MMP2: variants seen among roughly 807,000 people sequenced by gnomAD.
The protein encoded by MMP2 is matrix metallopeptidase 2.
A neutral mutation model predicts 74.8 loss-of-function variants in MMP2; 39 were observed. The observed-to-expected ratio is 0.52, with a 90% CI of 0.40 to 0.68. The LOEUF (loss-of-function observed/expected upper bound fraction) is 0.68, where lower values mean the gene tolerates loss of function less well. Ranked by LOEUF, MMP2 falls within the 30% of genes least tolerant of loss-of-function variation. The probability of loss-of-function intolerance (pLI) is 0.00; values close to 1 mark genes in which losing one functional copy is unlikely to be tolerated. For synonymous variants in MMP2, 367 were observed against 339.8 expected (o/e 1.08, Z -0.88); for missense variants, 803 against 878.3 (o/e 0.91, Z 1.08).
At position 55,479,550 on chromosome 16, in the gene MMP2, T is replaced by G; in HGVS notation, c.71T>G (p.Leu24Arg). 6.2e-7 allele frequency: 1 copy of G among 1,612,490 alleles called. No individual in the cohort carries two copies. Among genetic ancestry groups the G allele is most frequent in the Non-Finnish European group, 8.5e-7 (1 of 1,179,724 alleles). The change falls in exon 1 of 13, where the codon CTG becomes CGG. Residue 24 changes from leucine (L) to arginine (R), a missense_variant. By Grantham distance (102) the Leu-to-Arg change is moderately radical. Coordinates refer to ENST00000219070, the MANE Select transcript of MMP2 (RefSeq NM_004530.6). ...LRALCLLGCL[L>R]SHAAAAPSPI... ...GCGCTCTGTCTCCTGGGCTGCCTGC[T>G]GAGCCACGCCGCCGCCGCGCCGTCG...
At chr16:55,481,618 C>T (rs886775271) in intron 1 of MMP2, 2 of 479,678 alleles carry the variant, frequency 4.2e-6, no homozygotes, top group South Asian at 4.1e-5. Flanking sequence ...TTACCCAGCC[C>T]CCCACTCAAG....
intron 1 of MMP2, among the ~76,000 whole-genome samples, 186 bp from the exon 2 acceptor site, chr16:55,482,723 G>A (rs1438721553): frequency 1.3e-5 from 2 of 152,116 alleles, no homozygotes; most frequent in Admixed American, 6.5e-5. Context: ...ATGTCCTGTC[G>A]CTCAACTAAT....
intron 8 of MMP2, 39 bp downstream of exon 8, chr16:55,491,995 A>C: frequency 4.5e-5 from 45 of 1,011,230 alleles, no homozygotes; most frequent in Non-Finnish European, 5.8e-5. Context: ...GAGGGTGAGG[A>C]GGGGGGAGGT....
chr16:55,479,292 G>A lies in MMP2; in HGVS notation c.-188G>A. Reference sequence around the variant, plus strand: ...TGCCAGGACCTGCGGCGGCGGCGGCGGCGGCGGGGGCTGGGGCGCGGGGGC... The same window carrying A: ...TGCCAGGACCTGCGGCGGCGGCGGCAGCGGCGGGGGCTGGGGCGCGGGGGC... On this transcript the variant is annotated 5_prime_UTR_variant, in exon 1 of 13. Coordinates refer to ENST00000219070, the MANE Select transcript of MMP2 (RefSeq NM_004530.6). 1 of 518,974 alleles carries A rather than the reference G, an allele frequency of 1.9e-6. No individual in the cohort carries two copies. Among genetic ancestry groups the A allele is most frequent in the Non-Finnish European group, 2.9e-6 (1 of 350,476 alleles). The allele number at this position is 518,974 out of a possible 1,614,324, so 32.1% of individuals were successfully genotyped here. A position where few individuals can be genotyped will look rare whatever the true frequency, so the allele number is the denominator to read the frequency against.
In MMP2 at chr16:55,497,081, T is replaced by A. The variant is rs1394153275; in HGVS notation, c.1609+19T>A. On this transcript the variant is annotated intron_variant, in intron 10 of 12. Coordinates refer to ENST00000219070, the MANE Select transcript of MMP2 (RefSeq NM_004530.6). ...TTTGCAGGTGTGTGGGAAGCACCCTTCCTTGGCCCTCAGCTCCACAGGGCT... is the reference window on the plus strand; with the variant it reads ...TTTGCAGGTGTGTGGGAAGCACCCTACCTTGGCCCTCAGCTCCACAGGGCT... 1 of 1,613,806 alleles carries A rather than the reference T, an allele frequency of 6.2e-7. No homozygotes were observed. The highest frequency in any genetic ancestry group is 1.1e-5 in the South Asian group (1 of 91,084).
chr16:55,487,813 GA>G, intron 5 of MMP2: 1 of 152,076 alleles, frequency 6.6e-6, no homozygotes, highest in Non-Finnish European at 1.5e-5. Context: ...GTCAAAGTAG[GA>G]GCCCAGAGTG....
intron 12 of MMP2, among the ~76,000 whole-genome samples, chr16:55,503,989 CA>C (rs1567383768): frequency 6.6e-6 from 1 of 152,076 alleles, no homozygotes; most frequent in Non-Finnish European, 1.5e-5. Flanking sequence ...TCTATCTCTA[CA>C]AAAAAATTTT....
intron 11 of MMP2, among the ~76,000 whole-genome samples, chr16:55,501,004 A>G (rs1310459574): frequency 6.6e-6 from 1 of 152,188 alleles, no homozygotes; most frequent in East Asian, 1.9e-4. Context: ...AAATCATCAC[A>G]CCCTGCCCTC....
rs1466959864 is a variant in MMP2 at position 55,496,488 on chromosome 16, TTACTC to T, written c.1473-436_1473-432del. On this transcript the variant is annotated intron_variant, in intron 9 of 12. Coordinates refer to ENST00000219070, the MANE Select transcript of MMP2 (RefSeq NM_004530.6). ...TAGGACCCTCAATAAATGATAACTC[TTACTC>T]TTGACAAAGTACACAAATTCATTTC... Among the ~76,000 whole-genome samples the T allele has an allele frequency of 3.3e-5, 5 of 152,348 alleles. No homozygotes were observed. In the East Asian group the frequency reaches 7.7e-4, roughly 23 times the overall value.
intron 8 of MMP2, among the ~76,000 whole-genome samples, chr16:55,492,749 C>G: frequency 6.6e-6 from 1 of 152,092 alleles, no homozygotes; most frequent in Non-Finnish European, 1.5e-5. Context: ...AATTGCTTAT[C>G]ATGAAAAGTG....
chr16:55,488,308 T>G, intron 5 of MMP2: 1 of 557,344 alleles, frequency 1.8e-6, no homozygotes, highest in Non-Finnish European at 3.2e-6. Flanking sequence ...TGTCAATCAT[T>G]TTGTTGTTGG....
intron 11 of MMP2, among the ~76,000 whole-genome samples, chr16:55,499,134 A>C (rs1189255085): frequency 1.4e-5 from 2 of 147,588 alleles, no homozygotes; most frequent in African/African-American, 2.5e-5. Context: ...ATGCCACTGC[A>C]CTCCAGCCTG....
intron 9 of MMP2, among the ~76,000 whole-genome samples, chr16:55,495,712 G>A (rs1962514839): frequency 6.8e-6 from 1 of 146,666 alleles, no homozygotes; most frequent in South Asian, 2.1e-4. Context: ...AGCCTAAACA[G>A]TAGAGAGAAA....
chr16:55,485,829 C>G (rs762040994), intron 5 of MMP2, 52 bp downstream of exon 5: 2 of 1,591,626 alleles, frequency 1.3e-6, no homozygotes, highest in African/African-American at 1.3e-5. Flanking sequence ...CTCCAGCTTC[C>G]CGGGCTCCCC....
rs768146459 is a variant in MMP2 at position 55,498,270 on chromosome 16, C to T, written c.1610-19C>T. 64 of 1,613,566 alleles carry T rather than the reference C, an allele frequency of 4.0e-5. No individual in the cohort carries two copies. Among genetic ancestry groups the T allele is most frequent in the Non-Finnish European group, 5.3e-5 (62 of 1,179,962 alleles). On this transcript the variant is annotated intron_variant, in intron 10 of 12. Transcript: ENST00000219070. ...GGGCATGTCAGCACCAGCCAACACA[C>T]CCTTTGCTTCCACCCCAGGGAATGA...
At chr16:55,495,157 C>T (rs1416130343) in intron 9 of MMP2, among the ~76,000 whole-genome samples, 1 of 152,224 alleles carries the variant, frequency 6.6e-6, no homozygotes, top group African/African-American at 2.4e-5. Context: ...CCCGTCAGGC[C>T]TCGAATGCCC....
chr16:55,482,055 G>T (rs1855995137), intron 1 of MMP2, among the ~76,000 whole-genome samples: 1 of 152,218 alleles, frequency 6.6e-6, no homozygotes, highest in African/African-American at 2.4e-5. Context: ...TTTTATTTGG[G>T]ATCTATCAGC....
Position 55,484,142 on chromosome 16 carries a change from C to T in MMP2, c.507C>T (p.Ile169=). The part of the protein sequence containing the change: ...FSRIHDGEAD[I]MINFGRWEHG... ...GAATCCATGATGGAGAGGCAGACAT[C>T]ATGATCAACTTTGGCCGCTGGGGTA... The change falls in exon 3 of 13, where the codon ATC becomes ATT. Residue 169 remains isoleucine (I), a synonymous_variant. Transcript: ENST00000219070. 1 of 1,614,150 alleles carries T rather than the reference C, an allele frequency of 6.2e-7. No individual in the cohort carries two copies. Among genetic ancestry groups the T allele is most frequent in the Non-Finnish European group, 8.5e-7 (1 of 1,180,032 alleles).
At position 55,479,338 on chromosome 16, in the gene MMP2, C is replaced by G. The variant is rs954022210; in HGVS notation, c.-142C>G. The G allele has an allele frequency of 1.9e-6, 2 of 1,033,974 alleles. No homozygotes were observed. The highest frequency in any genetic ancestry group is 1.7e-5 in the African/African-American group (1 of 59,202). The allele number at this position is 1,033,974 out of a possible 1,614,324, so 64.0% of individuals were successfully genotyped here. ...GGGGCCGGACCATGAGCCGCTGAGC[C>G]GGGCAAACCCCAGGCCACCGAGCCA... On this transcript the variant is annotated 5_prime_UTR_variant, in exon 1 of 13. Coordinates refer to ENST00000219070, the MANE Select transcript of MMP2 (RefSeq NM_004530.6).
Sources: gnomAD v4.1 joint callset for allele counts (sites outside exome capture counted in the v4.1 genomes callset) on GRCh38, gnomAD v4.1.1 for gene constraint, MANE v1.5 for transcripts, NCBI Gene and HGNC (gene_info 2026-07-23, HGNC 2026-07-21) for gene names.